Variants in ATP13A5 observed in about 807,000 individuals in gnomAD.
The protein encoded by ATP13A5 is ATPase 13A5.
A neutral mutation model predicts 150.2 loss-of-function variants in ATP13A5; 149 were observed. The observed-to-expected ratio is 0.99, with a 90% CI of 0.87 to 1.14. The LOEUF (loss-of-function observed/expected upper bound fraction) is 1.14, where lower values mean the gene tolerates loss of function less well. Ranked by LOEUF, ATP13A5 falls within the 50% of genes most tolerant of loss-of-function variation. ATP13A5 has a pLI of 0.00. For missense variants in ATP13A5, 1,383 were observed against 1,449.3 expected (o/e 0.95, Z 0.74); for synonymous variants, 497 against 522.2 (o/e 0.95, Z 0.66).
At chr3:193,297,853 T>C (rs2367478) in intron 25 of ATP13A5, among the ~76,000 whole-genome samples, 130,085 of 152,082 alleles carry the variant, frequency 0.86, 55,688 homozygotes, top group East Asian at 0.98. Context: ...TGTCATATAG[T>C]AAGTCGGAGG....
chr3:193,374,254 G>A (rs1462765549), intron 1 of ATP13A5, among the ~76,000 whole-genome samples: 1 of 150,988 alleles, frequency 6.6e-6, no homozygotes, highest in African/African-American at 2.4e-5. Flanking sequence ...CAGTGGTCAG[G>A]AGATAATCTG....
At chr3:193,307,232 G>A (rs927935400) in intron 22 of ATP13A5, 95 bp downstream of exon 22, 12 of 1,597,996 alleles carry the variant, frequency 7.5e-6, no homozygotes, top group Non-Finnish European at 1.0e-5. Context: ...ATGGTTGCTG[G>A]TGGAAGGATG....
chr3:193,299,299 G>GTTACTTTTT (rs1718305501), intron 24 of ATP13A5, 96 bp from the exon 25 acceptor site: 1 of 909,690 alleles, frequency 1.1e-6, no homozygotes, highest in African/African-American at 1.7e-5. Context: ...GGAGGCAGCT[G>GTTACTTTTT]TTACTTTTTT....
intron 7 of ATP13A5, among the ~76,000 whole-genome samples, chr3:193,349,024 T>G (rs1489219394): frequency 6.6e-6 from 1 of 152,188 alleles, no homozygotes; most frequent in Non-Finnish European, 1.5e-5. Flanking sequence ...TATTTCATAA[T>G]TTGCCATGTC....
Position 193,318,862 on chromosome 3 carries a change from G to GA in ATP13A5, c.2033+128dup, listed in dbSNP as rs937431994. On this transcript the variant is annotated intron_variant, in intron 17 of 29. Coordinates refer to ENST00000342358, the MANE Select transcript of ATP13A5 (RefSeq NM_198505.4). Reference sequence around the variant, plus strand: ...ACAATTATCCATCTCTGAGTCAGGGGACTGTACAAGATTAATTCTCTGTCT... The same window carrying GA: ...ACAATTATCCATCTCTGAGTCAGGGGAACTGTACAAGATTAATTCTCTGTCT... 61 of 673,036 alleles carry GA rather than the reference G, an allele frequency of 9.1e-5. No individual in the cohort carries two copies. The African/African-American group carries it at 9.8e-4, about 11-fold the overall frequency. The allele number at this position is 673,036 out of a possible 1,614,324, so 41.7% of individuals were successfully genotyped here.
At chr3:193,286,817 G>C in intron 26 of ATP13A5, among the ~76,000 whole-genome samples, 1 of 152,160 alleles carries the variant, frequency 6.6e-6, no homozygotes, top group Non-Finnish European at 1.5e-5. Context: ...AGCTTAGTGA[G>C]GAAGGCATGT....
chr3:193,369,701 T>A lies in ATP13A5; in HGVS notation c.64-5421A>T, dbSNP rs75010017. Among the ~76,000 whole-genome samples the A allele has an allele frequency of 8.1e-4, 123 of 152,286 alleles. 3 individuals carry two copies. In the East Asian group the frequency reaches 0.021, roughly 26 times the overall value. ...ATACTGGAAATGGGATGAAAGTGTC[T>A]GAATCTCAAACCCGTTATACATGGT... On this transcript the variant is annotated intron_variant, in intron 1 of 29. Coordinates refer to ENST00000342358, the MANE Select transcript of ATP13A5 (RefSeq NM_198505.4).
chr3:193,342,334 G>C (rs1712159655), intron 9 of ATP13A5, among the ~76,000 whole-genome samples: 1 of 152,186 alleles, frequency 6.6e-6, no homozygotes. Context: ...TTAATCCTCT[G>C]TTTAATCAAG....
chr3:193,328,401 G>T (rs1577352519), intron 12 of ATP13A5, among the ~76,000 whole-genome samples: 1 of 152,250 alleles, frequency 6.6e-6, no homozygotes, highest in East Asian at 1.9e-4. Context: ...TTTTATAAAG[G>T]ACTCCACCAT....
chr3:193,374,614 C>T (rs1446126617), intron 1 of ATP13A5, among the ~76,000 whole-genome samples: 1 of 147,090 alleles, frequency 6.8e-6, no homozygotes, highest in African/African-American at 2.5e-5. Context: ...CACTGCACTC[C>T]AGCCTGTGTG....
In ATP13A5 at chr3:193,289,872, A is replaced by G; in HGVS notation, c.3023+13T>C. 2 of 1,569,432 alleles carry G rather than the reference A, an allele frequency of 1.3e-6. No individual in the cohort carries two copies. ...ATTACCTTTCGAAAGCAGCACTAAG[A>G]AAATGAACTTACCTGTATTGGTAGA... On this transcript the variant is annotated intron_variant, in intron 26 of 29. Transcript: ENST00000342358.
chr3:193,377,501 G>A (rs898581628), intron 1 of ATP13A5, among the ~76,000 whole-genome samples: 1 of 152,088 alleles, frequency 6.6e-6, no homozygotes, highest in African/African-American at 2.4e-5. Context: ...TCAAAATCTG[G>A]TGCGTATTTT....
intron 26 of ATP13A5, 132 bp downstream of exon 26, chr3:193,289,753 T>A: frequency 2.8e-5 from 20 of 717,038 alleles, no homozygotes; most frequent in Middle Eastern, 4.1e-4. Flanking sequence ...TTCTGTCCCA[T>A]CATTTGAGTT....
chr3:193,327,317 T>A (rs1263936810), intron 12 of ATP13A5, among the ~76,000 whole-genome samples: 1 of 152,186 alleles, frequency 6.6e-6, no homozygotes, highest in Non-Finnish European at 1.5e-5. Flanking sequence ...TGTTTTGTTT[T>A]GGTTTGGTTT....
intron 27 of ATP13A5, among the ~76,000 whole-genome samples, chr3:193,280,850 C>T (rs1432400689): frequency 6.6e-6 from 1 of 152,164 alleles, no homozygotes; most frequent in Non-Finnish European, 1.5e-5. Context: ...TTCTCTTACA[C>T]TCTACCTCAT....
At position 193,333,860 on chromosome 3, in the gene ATP13A5, G is replaced by A. The variant is rs972464518; in HGVS notation, c.1162C>T (p.Arg388Trp). The change falls in exon 11 of 30, where the codon CGG becomes TGG. Residue 388 changes from arginine (R) to tryptophan (W), a missense_variant. By Grantham distance (101) the Arg-to-Trp change is moderately radical. Transcript: ENST00000342358. The stretch of plus-strand genomic sequence containing the variant: ...CTGTATAGTTTGAAGTTCAGAGGCC[G>A]GGGGTACAGGATGGATCTCACTAAG... Reference protein sequence around the residue: ...GDLVRSILYPRPLNFKLYSDA... With the variant: ...GDLVRSILYPWPLNFKLYSDA... The A allele has an allele frequency of 1.1e-5, 18 of 1,613,742 alleles. No individual in the cohort carries two copies. Among genetic ancestry groups the A allele is most frequent in the Admixed American group, 3.3e-5 (2 of 59,978 alleles).
intron 1 of ATP13A5, among the ~76,000 whole-genome samples, chr3:193,370,410 C>G (rs1713398831): frequency 1.3e-5 from 2 of 152,204 alleles, no homozygotes; most frequent in Admixed American, 6.5e-5. Context: ...TGCTGAACTT[C>G]AGATTTTTCG....
In ATP13A5 at chr3:193,364,224, G is replaced by A. The variant is rs144715570; in HGVS notation, c.120C>T (p.Ser40=). Residue 40 remains serine, a synonymous_variant, in exon 2 of 30, where the codon TCC becomes TCT. Coordinates refer to ENST00000342358, the MANE Select transcript of ATP13A5 (RefSeq NM_198505.4). ...GCAGAAGGCCCCCACAGGTCAGCAC[G>A]GATGCGACAAGGCAGAAGGCTTTCC... is the stretch of plus-strand genomic sequence containing the variant. ...NVRKAFCLVA[S]VLTCGGLLLV... 50 of 1,614,092 alleles carry A rather than the reference G, an allele frequency of 3.1e-5. No individual in the cohort carries two copies. The highest frequency in any genetic ancestry group is 1.7e-4 in the African/African-American group (13 of 75,044).
In ATP13A5 at chr3:193,367,779, A is replaced by G. The variant is rs1315991106; in HGVS notation, c.64-3499T>C. Among the ~76,000 whole-genome samples, 12 of 152,296 alleles carry G rather than the reference A, an allele frequency of 7.9e-5. No homozygotes were observed. The East Asian group carries it at 2.3e-3, about 29-fold the overall frequency. On this transcript the variant is annotated intron_variant, in intron 1 of 29. Transcript: ENST00000342358. ...GACTTATACAATTCTACACCAATAC[A>G]TGATTTAAAAAATTCTCAACAAGTT...
Sources: gnomAD v4.1 joint callset for allele counts (sites outside exome capture counted in the v4.1 genomes callset) on GRCh38, gnomAD v4.1.1 for gene constraint, MANE v1.5 for transcripts, NCBI Gene and HGNC (gene_info 2026-07-23, HGNC 2026-07-21) for gene names.